ENTREP2: variants seen among roughly 807,000 people sequenced by gnomAD.
The protein encoded by ENTREP2 is endosomal transmembrane epsin interactor 2.
chr15:29,224,254 T>G, the ENTREP2 span, among the ~76,000 whole-genome samples: 187 of 152,268 alleles, frequency 1.2e-3, no homozygotes, highest in African/African-American at 4.3e-3. Context: ...GTGGTCTCAC[T>G]GGCTTCAGGA....
the ENTREP2 span, chr15:29,136,469 A>G: frequency 6.5e-7 from 1 of 1,548,642 alleles, no homozygotes. Context: ...CAAAGTGCCG[A>G]ATGGAGACGG....
chr15:29,570,589 G>C, the ENTREP2 span: 1 of 1,466,466 alleles, frequency 6.8e-7, no homozygotes, highest in Non-Finnish European at 9.0e-7. Context: ...CTGCCACGAT[G>C]AGGCATCCGA....
the ENTREP2 span, among the ~76,000 whole-genome samples, chr15:29,142,872 A>C: frequency 1.3e-5 from 2 of 152,216 alleles, no homozygotes; most frequent in African/African-American, 4.8e-5. Flanking sequence ...TTAAAAACAA[A>C]AAAAAAATGA....
chr15:29,652,728 A>C, the ENTREP2 span, among the ~76,000 whole-genome samples: 3 of 152,190 alleles, frequency 2.0e-5, no homozygotes, highest in Non-Finnish European at 4.4e-5. Flanking sequence ...TGGTACCTGG[A>C]AACTGCTCCT....
the ENTREP2 span, chr15:29,375,989 A>C: frequency 6.6e-6 from 1 of 152,220 alleles, no homozygotes; most frequent in Non-Finnish European, 1.5e-5. Flanking sequence ...TCCCTCAAAC[A>C]ATGTAATATA....
chr15:29,633,486 G>C, the ENTREP2 span, among the ~76,000 whole-genome samples: 1 of 151,880 alleles, frequency 6.6e-6, no homozygotes, highest in African/African-American at 2.4e-5. Context: ...AAATGTATTT[G>C]GTATGACATG....
At chr15:29,482,508 C>A in the ENTREP2 span, among the ~76,000 whole-genome samples, 1 of 152,182 alleles carries the variant, frequency 6.6e-6, no homozygotes, top group African/African-American at 2.4e-5. Flanking sequence ...CTCTCCCTCC[C>A]CCAAACCTCT....
chr15:29,220,772 A>C, the ENTREP2 span, among the ~76,000 whole-genome samples: 43 of 152,300 alleles, frequency 2.8e-4, no homozygotes, highest in African/African-American at 1.0e-3. Context: ...TTATTATATA[A>C]ATTATACAAT....
chr15:29,127,801 C>T, the ENTREP2 span, among the ~76,000 whole-genome samples: 1 of 152,160 alleles, frequency 6.6e-6, no homozygotes, highest in African/African-American at 2.4e-5. Context: ...TCAGGTAGCA[C>T]CAGCCCCCTT....
chr15:29,596,961 C>CA, the ENTREP2 span, among the ~76,000 whole-genome samples: 1 of 152,098 alleles, frequency 6.6e-6, no homozygotes, highest in East Asian at 1.9e-4. Flanking sequence ...TGAGCCACCG[C>CA]ACTCGGCTCC....
the ENTREP2 span, among the ~76,000 whole-genome samples, chr15:29,149,663 A>T: frequency 6.6e-6 from 1 of 152,228 alleles, no homozygotes; most frequent in Non-Finnish European, 1.5e-5. Flanking sequence ...GGGGTCCCAC[A>T]GGCAGTGATG....
chr15:29,539,736 G>C, the ENTREP2 span, among the ~76,000 whole-genome samples: 1 of 152,142 alleles, frequency 6.6e-6, no homozygotes, highest in African/African-American at 2.4e-5. Context: ...ATGTTGGAGA[G>C]GGCCCAGAAT....
At chr15:29,269,096 G>A in the ENTREP2 span, 3 of 1,614,092 alleles carry the variant, frequency 1.9e-6, no homozygotes, top group East Asian at 2.2e-5. Flanking sequence ...ACCCCTAAGC[G>A]CCGCAGAAAG....
At chr15:29,333,336 C>T in the ENTREP2 span, among the ~76,000 whole-genome samples, 1 of 152,192 alleles carries the variant, frequency 6.6e-6, no homozygotes, top group African/African-American at 2.4e-5. Context: ...ATACAGGGCT[C>T]ATGAAGGCCT....
the ENTREP2 span, among the ~76,000 whole-genome samples, chr15:29,408,551 T>C: frequency 6.6e-6 from 1 of 152,216 alleles, no homozygotes; most frequent in African/African-American, 2.4e-5. Context: ...CAATCTCCTT[T>C]CAGTTCTGAG....
the ENTREP2 span, among the ~76,000 whole-genome samples, chr15:29,608,512 TCCTGCC>T: frequency 4.5e-4 from 61 of 135,728 alleles, no homozygotes; most frequent in East Asian, 1.1e-3. Context: ...TCCTGCCTCC[TCCTGCC>T]TTCTTTATTA....
At chr15:29,414,905 T>C in the ENTREP2 span, among the ~76,000 whole-genome samples, 1 of 152,008 alleles carries the variant, frequency 6.6e-6, no homozygotes, top group Non-Finnish European at 1.5e-5. Flanking sequence ...CTAGAAGAAA[T>C]GGATAAATTC....
the ENTREP2 span, among the ~76,000 whole-genome samples, chr15:29,442,604 C>A: frequency 6.6e-6 from 1 of 152,144 alleles, no homozygotes; most frequent in African/African-American, 2.4e-5. Flanking sequence ...GCACACACAG[C>A]CCCAAATCAG....
the ENTREP2 span, among the ~76,000 whole-genome samples, chr15:29,127,391 G>A: frequency 6.6e-6 from 1 of 152,148 alleles, no homozygotes; most frequent in Non-Finnish European, 1.5e-5. Flanking sequence ...TCCTCCAGGC[G>A]TGGGGGCTTT....
Sources: allele counts gnomAD v4.1 joint callset (sites outside exome capture counted in the v4.1 genomes callset), GRCh38; gene constraint gnomAD v4.1.1; transcripts MANE v1.5; gene names NCBI Gene and HGNC (gene_info 2026-07-23, HGNC 2026-07-21).